Variants in GRID2 observed in about 807,000 individuals in gnomAD.
GRID2 encodes glutamate receptor ionotropic, delta-2.
A neutral mutation model predicts 114.8 loss-of-function variants in GRID2; 33 were observed. The observed-to-expected ratio is 0.29, with a 90% CI of 0.22 to 0.38. The LOEUF (loss-of-function observed/expected upper bound fraction) is 0.38. GRID2 is among the 10% of genes least tolerant of loss of function. The probability of loss-of-function intolerance (pLI) is 1.00; values close to 1 mark genes in which losing one functional copy is unlikely to be tolerated. For missense variants in GRID2, 1,184 were observed against 1,257.7 expected, an observed-to-expected ratio of 0.94 and a Z score of 0.89; for synonymous variants, 505 against 449.9, an observed-to-expected ratio of 1.12 and a Z score of -1.55.
chr4:92,657,012 A>G (rs1451601649), intron 2 of GRID2, among the ~76,000 whole-genome samples: 1 of 151,664 alleles, frequency 6.6e-6, no homozygotes, highest in Non-Finnish European at 1.5e-5. Flanking sequence ...AGCTTACAGT[A>G]TGGAATTTCC....
At chr4:93,613,016 T>C (rs1312066652) in intron 13 of GRID2, among the ~76,000 whole-genome samples, 1 of 133,390 alleles carries the variant, frequency 7.5e-6, no homozygotes, top group Non-Finnish European at 1.7e-5. Context: ...CATTTCTTTT[T>C]ATTCTTTTTT....
At chr4:93,149,587 A>C (rs1736561271) in intron 4 of GRID2, among the ~76,000 whole-genome samples, 1 of 149,362 alleles carries the variant, frequency 6.7e-6, no homozygotes, top group Admixed American at 6.8e-5. Flanking sequence ...AAAAAAAAAC[A>C]AAAACAAGTA....
At chr4:93,739,970 G>A (rs1312962487) in intron 14 of GRID2, among the ~76,000 whole-genome samples, 1 of 152,026 alleles carries the variant, frequency 6.6e-6, no homozygotes, top group Non-Finnish European at 1.5e-5. Context: ...GAATTTTCTT[G>A]AAAGACAAAT....
At chr4:92,966,400 A>G (rs1753159728) in intron 2 of GRID2, among the ~76,000 whole-genome samples, 1 of 151,968 alleles carries the variant, frequency 6.6e-6, no homozygotes, top group South Asian at 2.1e-4. Context: ...TGGAAGAAAT[A>G]TAATTTGGAT....
At chr4:93,471,120 TA>T (rs1237626545) in intron 11 of GRID2, among the ~76,000 whole-genome samples, 1 of 152,124 alleles carries the variant, frequency 6.6e-6, no homozygotes, top group African/African-American at 2.4e-5. Context: ...AATATAGATT[TA>T]ATTTTTAAAT....
chr4:92,575,911 G>A (rs1021734093), intron 1 of GRID2, among the ~76,000 whole-genome samples: 2 of 152,234 alleles, frequency 1.3e-5, no homozygotes, highest in African/African-American at 4.8e-5. Context: ...AGCCCTGGCT[G>A]GGAGGACCCT....
chr4:92,828,654 A>G (rs756174277), intron 2 of GRID2, among the ~76,000 whole-genome samples: 3 of 152,080 alleles, frequency 2.0e-5, no homozygotes, highest in Non-Finnish European at 1.5e-5. Context: ...CCTCACCCCA[A>G]TTAACTCAAT....
intron 1 of GRID2, among the ~76,000 whole-genome samples, chr4:92,569,633 C>T (rs1335480844): frequency 2.6e-5 from 4 of 152,016 alleles, no homozygotes; most frequent in Admixed American, 1.3e-4. Flanking sequence ...TTGCCAGCAT[C>T]TGTTGTTTAT....
At chr4:93,467,149 A>G (rs986320273) in intron 11 of GRID2, among the ~76,000 whole-genome samples, 1 of 152,206 alleles carries the variant, frequency 6.6e-6, no homozygotes, top group African/African-American at 2.4e-5. Flanking sequence ...AGTTCATGAT[A>G]GTATTCTGAG....
At chr4:92,893,032 C>G (rs1393506059) in intron 2 of GRID2, among the ~76,000 whole-genome samples, 1 of 151,924 alleles carries the variant, frequency 6.6e-6, no homozygotes, top group African/African-American at 2.4e-5. Context: ...TCAAAATAAC[C>G]AAAATACTTT....
intron 7 of GRID2, among the ~76,000 whole-genome samples, chr4:93,233,591 T>G (rs950335418): frequency 2.0e-5 from 3 of 151,922 alleles, no homozygotes; most frequent in Non-Finnish European, 2.9e-5. Flanking sequence ...GATCCATCTG[T>G]CTTGGCCTTC....
At chr4:93,738,278 T>A (rs1307313182) in intron 14 of GRID2, among the ~76,000 whole-genome samples, 1 of 152,108 alleles carries the variant, frequency 6.6e-6, no homozygotes, top group Non-Finnish European at 1.5e-5. Context: ...GGACTTTATA[T>A]TTTTTAGCAA....
chr4:93,351,335 C>G (rs1760786304), intron 8 of GRID2, among the ~76,000 whole-genome samples: 1 of 152,010 alleles, frequency 6.6e-6, no homozygotes, highest in African/African-American at 2.4e-5. Context: ...AGCACACAGA[C>G]AGTTGTTAGA....
At chr4:93,401,753 C>A (rs1765910765) in intron 9 of GRID2, among the ~76,000 whole-genome samples, 1 of 152,070 alleles carries the variant, frequency 6.6e-6, no homozygotes, top group African/African-American at 2.4e-5. Flanking sequence ...TGAATCATTA[C>A]CACAAAGCAA....
chr4:93,211,298 A>G (rs1052611381), intron 5 of GRID2, among the ~76,000 whole-genome samples: 9 of 152,202 alleles, frequency 5.9e-5, no homozygotes, highest in Non-Finnish European at 1.0e-4. Flanking sequence ...ACTAGCATGT[A>G]TTTCATTGGT....
chr4:92,929,318 T>C (rs560019586), intron 2 of GRID2, among the ~76,000 whole-genome samples: 33 of 151,400 alleles, frequency 2.2e-4, no homozygotes, highest in Non-Finnish European at 4.3e-4. Context: ...ATTTCCTTGA[T>C]TTTTTAATAC....
At chr4:93,440,736 T>C (rs558956457) in intron 10 of GRID2, among the ~76,000 whole-genome samples, 193 of 152,198 alleles carry the variant, frequency 1.3e-3, no homozygotes, top group African/African-American at 3.6e-3. Context: ...AAATAAATTA[T>C]GTAGATGCAA....
intron 14 of GRID2, among the ~76,000 whole-genome samples, chr4:93,692,431 T>C (rs114734010): frequency 0.012 from 1,871 of 152,296 alleles, 35 homozygotes; most frequent in African/African-American, 0.043. Flanking sequence ...ATTTAGCACA[T>C]GTAAAACACC....
chr4:93,615,639 CAAA>C (rs58667569), intron 13 of GRID2, among the ~76,000 whole-genome samples: 3 of 117,426 alleles, frequency 2.6e-5, no homozygotes, highest in East Asian at 2.4e-4. Context: ...GCCTTCACCC[CAAA>C]AAAAAAAAAA....
Sources: allele counts gnomAD v4.1 joint callset (sites outside exome capture counted in the v4.1 genomes callset), GRCh38; gene constraint gnomAD v4.1.1; transcripts MANE v1.5; gene names NCBI Gene and HGNC (gene_info 2026-07-23, HGNC 2026-07-21).